NNT: variants seen among roughly 807,000 people sequenced by gnomAD.
The protein encoded by NNT is nicotinamide nucleotide transhydrogenase, also known as NAD(P) transhydrogenase, mitochondrial.
In NNT, 50 loss-of-function variants were observed where a neutral mutation model predicts 104.8. That is an observed-to-expected ratio of 0.48 (90% confidence interval 0.38 to 0.60). The LOEUF (loss-of-function observed/expected upper bound fraction) is 0.60, where lower values mean the gene tolerates loss of function less well. NNT is among the 20% of genes least tolerant of loss of function. The pLI is 0.00. For synonymous variants in NNT, 461 were observed against 490.4 expected (o/e 0.94, Z 0.79); for missense variants, 1,131 against 1,330.7 (o/e 0.85, Z 2.33).
intron 19 of NNT, among the ~76,000 whole-genome samples, chr5:43,689,933 GC>G (rs1742176390): frequency 6.6e-6 from 1 of 151,946 alleles, no homozygotes; most frequent in African/African-American, 2.4e-5. Context: ...TCAAAGATAA[GC>G]CTTTTGAATT....
chr5:43,624,854 G>A (rs1750281675), intron 6 of NNT, among the ~76,000 whole-genome samples: 1 of 152,066 alleles, frequency 6.6e-6, no homozygotes, highest in South Asian at 2.1e-4. Context: ...TCAGCTGAGG[G>A]TACTGGAGGA....
At chr5:43,610,334 A>G (rs1434857445) in intron 2 of NNT, among the ~76,000 whole-genome samples, 1 of 151,966 alleles carries the variant, frequency 6.6e-6, no homozygotes, top group African/African-American at 2.4e-5. Context: ...AGTCTTGCCC[A>G]AAGATCATCC....
intron 14 of NNT, among the ~76,000 whole-genome samples, chr5:43,654,726 A>T (rs918853390): frequency 6.6e-6 from 1 of 152,212 alleles, no homozygotes; most frequent in African/African-American, 2.4e-5. Context: ...TGTGCTAGCC[A>T]CCTTTATATC....
At chr5:43,671,886 C>G (rs767611233) in intron 17 of NNT, among the ~76,000 whole-genome samples, 4 of 152,162 alleles carry the variant, frequency 2.6e-5, no homozygotes, top group Admixed American at 2.0e-4. Context: ...TGTTTTCCAA[C>G]TTGGTTCCAT....
At chr5:43,683,413 G>A (rs1257120150) in intron 19 of NNT, among the ~76,000 whole-genome samples, 2 of 152,286 alleles carry the variant, frequency 1.3e-5, no homozygotes, top group Non-Finnish European at 2.9e-5. Context: ...TGCTTTAGGT[G>A]CTTTGTAAAG....
intron 6 of NNT, among the ~76,000 whole-genome samples, chr5:43,626,426 G>T (rs1368895937): frequency 6.6e-6 from 1 of 151,936 alleles, no homozygotes; most frequent in Non-Finnish European, 1.5e-5. Flanking sequence ...ACTGAGGGAT[G>T]ACTTTATATC....
At chr5:43,700,516 C>T (rs1360215748) in intron 20 of NNT, among the ~76,000 whole-genome samples, 1 of 152,146 alleles carries the variant, frequency 6.6e-6, no homozygotes, top group Admixed American at 6.5e-5. Flanking sequence ...GACTGGGGAT[C>T]TGGGCAGACC....
At chr5:43,614,960 AC>A (rs1451665944) in intron 3 of NNT, among the ~76,000 whole-genome samples, 1 of 151,198 alleles carries the variant, frequency 6.6e-6, no homozygotes, top group Non-Finnish European at 1.5e-5. Flanking sequence ...ACAAGGTGAA[AC>A]CCCGTCTCTA....
chr5:43,629,787 G>A (rs982702358), intron 7 of NNT, among the ~76,000 whole-genome samples: 1 of 152,028 alleles, frequency 6.6e-6, no homozygotes, highest in Admixed American at 6.6e-5. Context: ...TTTGATAATT[G>A]TCTATTCATG....
intron 7 of NNT, among the ~76,000 whole-genome samples, chr5:43,642,444 A>T (rs934473128): frequency 3.9e-5 from 6 of 152,174 alleles, no homozygotes; most frequent in African/African-American, 1.4e-4. Context: ...TACAGTACGG[A>T]GGGTAGAGGA....
In NNT at chr5:43,624,219, C is replaced by T. The variant is rs1750246738; in HGVS notation, c.776+99C>T. The T allele has an allele frequency of 3.1e-6, 3 of 974,462 alleles. No individual in the cohort carries two copies. In the South Asian group the frequency reaches 3.9e-5, roughly 13 times the overall value. The allele number at this position is 974,462 out of a possible 1,614,324, so 60.4% of individuals were successfully genotyped here. A position where few individuals can be genotyped will look rare whatever the true frequency, so the allele number is the denominator to read the frequency against. ...ACTTGTAAATTGAAGTAGCACATTG[C>T]AACTGGTCTATAAGCTCTTTCCATT... On this transcript the variant is annotated intron_variant, in intron 6 of 21. Coordinates refer to ENST00000344920, the MANE Select transcript of NNT (RefSeq NM_182977.3).
At chr5:43,620,718 C>G (rs1301401149) in intron 5 of NNT, among the ~76,000 whole-genome samples, 3 of 152,186 alleles carry the variant, frequency 2.0e-5, no homozygotes, top group African/African-American at 7.2e-5. Flanking sequence ...GCAAACAACA[C>G]AGACGTGAGA....
At chr5:43,648,695 G>C (rs552149065) in intron 10 of NNT, among the ~76,000 whole-genome samples, 13 of 152,244 alleles carry the variant, frequency 8.5e-5, no homozygotes, top group African/African-American at 3.1e-4. Flanking sequence ...AGCCAAATCT[G>C]AGAGTGACAT....
rs568648829 is a variant in NNT at position 43,705,499 on chromosome 5, G to A, written c.*1095G>A. On this transcript the variant is annotated 3_prime_UTR_variant, in exon 22 of 22. Coordinates refer to ENST00000344920, the MANE Select transcript of NNT (RefSeq NM_182977.3). ...GATCATGTCTTTTTATAGAAGTGTA[G>A]ATTTTCTTTGTGACTTTGCTATCGT... is the stretch of plus-strand genomic sequence containing the variant. The A allele has an allele frequency of 6.6e-6, 1 of 152,078 alleles. No individual in the cohort carries two copies. Among genetic ancestry groups the A allele is most frequent in the South Asian group, 2.1e-4 (1 of 4,818 alleles). 9.4% of individuals were successfully genotyped at this position (152,078 alleles called of 1,614,324 possible).
chr5:43,697,753 A>G (rs1254295957), intron 19 of NNT, among the ~76,000 whole-genome samples: 1 of 152,130 alleles, frequency 6.6e-6, no homozygotes, highest in Non-Finnish European at 1.5e-5. Flanking sequence ...AGCAAGTCAC[A>G]TCTTATGTGG....
intron 19 of NNT, among the ~76,000 whole-genome samples, chr5:43,684,708 G>A (rs2112151924): frequency 6.6e-6 from 1 of 151,824 alleles, no homozygotes; most frequent in African/African-American, 2.4e-5. Flanking sequence ...ATTCAGAACT[G>A]ATTCACTAAA....
At chr5:43,673,751 G>A (rs1052095228) in intron 17 of NNT, among the ~76,000 whole-genome samples, 1 of 152,154 alleles carries the variant, frequency 6.6e-6, no homozygotes, top group African/African-American at 2.4e-5. Context: ...GGGCACTGTG[G>A]CTCATTCATG....
intron 19 of NNT, among the ~76,000 whole-genome samples, chr5:43,690,540 G>A (rs184185117): frequency 6.6e-5 from 10 of 152,158 alleles, no homozygotes; most frequent in African/African-American, 2.4e-4. Flanking sequence ...TACCTCAAAA[G>A]AGCACACATG....
chr5:43,649,393 T>A, intron 11 of NNT, 85 bp downstream of exon 11: 1 of 1,485,240 alleles, frequency 6.7e-7, no homozygotes, highest in Non-Finnish European at 9.2e-7. Context: ...GTTTATAAAG[T>A]GTGTTTTCAA....
Sources: allele counts gnomAD v4.1 joint callset (sites outside exome capture counted in the v4.1 genomes callset), GRCh38; gene constraint gnomAD v4.1.1; transcripts MANE v1.5; gene names NCBI Gene and HGNC (gene_info 2026-07-23, HGNC 2026-07-21).